TBL1XR1: variants seen among roughly 807,000 people sequenced by gnomAD.
The protein encoded by TBL1XR1 is F-box-like/WD repeat-containing protein TBL1XR1.
TBL1XR1 carries 5 observed loss-of-function variants against 66.9 expected under a neutral mutation model. The observed-to-expected ratio is 0.07, with a 90% CI of 0.04 to 0.16. The LOEUF (loss-of-function observed/expected upper bound fraction) is 0.16. TBL1XR1 is among the 10% of genes least tolerant of loss of function. TBL1XR1 has a pLI of 1.00. For synonymous variants in TBL1XR1, 210 were observed against 206.0 expected (o/e 1.02, Z -0.17); for missense variants, 238 against 623.2 (o/e 0.38, Z 6.58).
At chr3:177,176,645 C>T (rs1442131906) in intron 1 of TBL1XR1, among the ~76,000 whole-genome samples, 1 of 151,664 alleles carries the variant, frequency 6.6e-6, no homozygotes, top group African/African-American at 2.4e-5. Context: ...AAACCCTCAT[C>T]TCTATTAAAA....
chr3:177,082,166 A>G (rs1721474479), intron 2 of TBL1XR1, among the ~76,000 whole-genome samples: 1 of 152,212 alleles, frequency 6.6e-6, no homozygotes, highest in South Asian at 2.1e-4. Context: ...CGCACAACAT[A>G]GCACTTTTAC....
chr3:177,156,263 G>A (rs1036625477), intron 1 of TBL1XR1, among the ~76,000 whole-genome samples: 1 of 150,528 alleles, frequency 6.6e-6, no homozygotes, highest in African/African-American at 2.4e-5. Flanking sequence ...CACTTTGGGA[G>A]GCCAAGAAGG....
In TBL1XR1 at chr3:177,020,118, G is replaced by C. The variant is rs1231543860; in HGVS notation, c.*5380C>G. 1.3e-5 allele frequency: 2 copies of C among 151,660 alleles called. No individual in the cohort carries two copies. Among genetic ancestry groups the C allele is most frequent in the African/African-American group, 4.8e-5 (2 of 41,292 alleles). The allele number at this position is 151,660 out of a possible 1,614,324, so 9.4% of individuals were successfully genotyped here. The stretch of plus-strand genomic sequence containing the variant: ...AAAGTTTGTAGTAACAACTAGCTAA[G>C]AGAGAAAATGATTCAACTATAATTG... On this transcript the variant is annotated 3_prime_UTR_variant, in exon 16 of 16. Coordinates refer to ENST00000457928, the MANE Select transcript of TBL1XR1 (RefSeq NM_024665.7).
At chr3:177,060,593 T>A (rs1718391362) in intron 3 of TBL1XR1, among the ~76,000 whole-genome samples, 1 of 152,170 alleles carries the variant, frequency 6.6e-6, no homozygotes, top group South Asian at 2.1e-4. Context: ...AGAAAACAGG[T>A]TGTCTTATAA....
intron 1 of TBL1XR1, among the ~76,000 whole-genome samples, chr3:177,101,143 C>A (rs1440804045): frequency 6.6e-6 from 1 of 151,000 alleles, no homozygotes; most frequent in Non-Finnish European, 1.5e-5. Flanking sequence ...AGGCGTGAGC[C>A]ACCATGCCCA....
chr3:177,062,024 T>C (rs533505324), intron 3 of TBL1XR1, among the ~76,000 whole-genome samples: 28 of 152,218 alleles, frequency 1.8e-4, no homozygotes, highest in Non-Finnish European at 4.4e-5. Flanking sequence ...CACAGAACTA[T>C]AACATTCTCA....
intron 2 of TBL1XR1, among the ~76,000 whole-genome samples, chr3:177,087,551 A>G (rs1465505175): frequency 6.6e-6 from 1 of 152,240 alleles, no homozygotes; most frequent in African/African-American, 2.4e-5. Flanking sequence ...AACCAGGAAT[A>G]AATCAAAAGA....
At chr3:177,042,350 A>G (rs768160396) in intron 10 of TBL1XR1, among the ~76,000 whole-genome samples, 2 of 152,180 alleles carry the variant, frequency 1.3e-5, no homozygotes, top group Non-Finnish European at 2.9e-5. Context: ...TGTTAATTTT[A>G]TACAGGGCAG....
At chr3:177,105,349 TG>T (rs1214143455) in intron 1 of TBL1XR1, among the ~76,000 whole-genome samples, 2 of 151,660 alleles carry the variant, frequency 1.3e-5, no homozygotes, top group Non-Finnish European at 2.9e-5. Context: ...GAAACAAGTG[TG>T]GGGGGCCGAA....
intron 6 of TBL1XR1, 120 bp from the exon 7 acceptor site, chr3:177,050,258 T>C (rs1364914163): frequency 2.9e-6 from 4 of 1,369,368 alleles, no homozygotes; most frequent in Non-Finnish European, 4.0e-6. Flanking sequence ...GAATTTTCAT[T>C]TCCAGTATTT....
intron 2 of TBL1XR1, among the ~76,000 whole-genome samples, chr3:177,088,354 A>C (rs1259660810): frequency 6.6e-6 from 1 of 152,204 alleles, no homozygotes; most frequent in East Asian, 1.9e-4. Context: ...AATACTGTAT[A>C]AAACTGCCCT....
At chr3:177,159,088 T>C (rs1305825162) in intron 1 of TBL1XR1, among the ~76,000 whole-genome samples, 1 of 152,188 alleles carries the variant, frequency 6.6e-6, no homozygotes, top group Non-Finnish European at 1.5e-5. Flanking sequence ...AATTTTTTAT[T>C]TTTAATTCCT....
At chr3:177,116,163 T>C (rs1244457063) in intron 1 of TBL1XR1, among the ~76,000 whole-genome samples, 2 of 152,190 alleles carry the variant, frequency 1.3e-5, no homozygotes, top group South Asian at 2.1e-4. Context: ...AATGGTATTT[T>C]ACTTACTTGA....
chr3:177,179,498 A>G (rs1394231635), intron 1 of TBL1XR1, among the ~76,000 whole-genome samples: 1 of 152,198 alleles, frequency 6.6e-6, no homozygotes, highest in African/African-American at 2.4e-5. Flanking sequence ...TTCTTAAGAG[A>G]TAAGTCATGG....
At chr3:177,049,732 T>A (rs1040481943) in intron 7 of TBL1XR1, among the ~76,000 whole-genome samples, 1 of 152,062 alleles carries the variant, frequency 6.6e-6, no homozygotes, top group Non-Finnish European at 1.5e-5. Context: ...TTAAAGAAAA[T>A]GAAGTACAGA....
intron 3 of TBL1XR1, among the ~76,000 whole-genome samples, chr3:177,061,982 T>C (rs1718573786): frequency 6.6e-6 from 1 of 151,434 alleles, no homozygotes; most frequent in East Asian, 1.9e-4. Flanking sequence ...ATGAGTGAGA[T>C]TCTGAGTTCT....
At chr3:177,047,756 TATCCA>T in intron 7 of TBL1XR1, 1 of 544,886 alleles carries the variant, frequency 1.8e-6, no homozygotes, top group African/African-American at 1.9e-5. Context: ...GGGGGCCTTA[TATCCA>T]AAGTTCAACA....
Position 177,051,518 on chromosome 3 carries a change from G to A in TBL1XR1, c.413C>T (p.Ala138Val), listed in dbSNP as rs1717082998. The change falls in exon 5 of 16, where the codon GCA (alanine) becomes GTA (valine). Residue 138 changes from alanine (A) to valine (V), a missense_variant. Coordinates refer to ENST00000457928, the MANE Select transcript of TBL1XR1 (RefSeq NM_024665.7). ...TCTGAGCTCACTTGCTATAGTATGT[G>A]CTCCATTCTCCTCCCCATTTGCTGT... ...ENTANGEENG[A>V]HTIANNHTDM... 1 of 1,612,596 alleles carries A rather than the reference G, an allele frequency of 6.2e-7. No homozygotes were observed. The highest frequency in any genetic ancestry group is 8.5e-7 in the Non-Finnish European group (1 of 1,179,470).
Position 177,112,074 on chromosome 3 carries a change from A to AATATATATATAT in TBL1XR1, c.-121-13545_-121-13534dup, listed in dbSNP as rs1170375681. Among the ~76,000 whole-genome samples, 105 of 40,894 alleles carry AATATATATATAT rather than the reference A, an allele frequency of 2.6e-3. 2 individuals are homozygous for AATATATATATAT. The highest frequency in any genetic ancestry group is 3.7e-3 in the Admixed American group (10 of 2,684). 26.8% of individuals were successfully genotyped at this position (40,894 alleles called of 152,430 possible). ...ATAAGACAACAAAGATATAAAATCAAATATATATATATATATATATATATA... is the reference window on the plus strand; with the variant it reads ...ATAAGACAACAAAGATATAAAATCAAATATATATATATATATATATATATATATATATATATA... On this transcript the variant is annotated intron_variant, in intron 1 of 15. Transcript: ENST00000457928.
Sources: allele counts gnomAD v4.1 joint callset (sites outside exome capture counted in the v4.1 genomes callset), GRCh38; gene constraint gnomAD v4.1.1; transcripts MANE v1.5; gene names NCBI Gene and HGNC (gene_info 2026-07-23, HGNC 2026-07-21).